The following COG5 variants were observed in gnomAD, a reference collection of about 807,000 sequenced individuals.
The protein encoded by COG5 is component of oligomeric golgi complex 5.
In COG5, 86 loss-of-function variants were observed where a neutral mutation model predicts 110.4. That is an observed-to-expected ratio of 0.78 (90% confidence interval 0.65 to 0.93). The LOEUF (loss-of-function observed/expected upper bound fraction) is 0.93. COG5 is among the 40% of genes least tolerant of loss of function. COG5 has a pLI of 0.00. For synonymous variants in COG5, 360 were observed against 334.6 expected (o/e 1.08, Z -0.83); for missense variants, 1,077 against 987.0 (o/e 1.09, Z -1.22).
intron 5 of COG5, among the ~76,000 whole-genome samples, chr7:107,534,705 C>A (rs929165195): frequency 6.6e-6 from 1 of 151,220 alleles, no homozygotes; most frequent in Non-Finnish European, 1.5e-5. Flanking sequence ...TTTAGACTCC[C>A]AGACAGTAAC....
chr7:107,485,682 C>T (rs1407436208), intron 6 of COG5, among the ~76,000 whole-genome samples: 1 of 152,048 alleles, frequency 6.6e-6, no homozygotes, highest in Non-Finnish European at 1.5e-5. Flanking sequence ...ATTATAAAAG[C>T]ACTTTTAAAG....
intron 8 of COG5, among the ~76,000 whole-genome samples, chr7:107,370,614 C>T (rs760387178): frequency 4.1e-4 from 62 of 151,588 alleles, no homozygotes; most frequent in Non-Finnish European, 7.4e-4. Flanking sequence ...GATGAAACCC[C>T]GTCTCTACTA....
chr7:107,475,105 A>C (rs764919173), intron 6 of COG5: 177 of 1,612,424 alleles, frequency 1.1e-4, no homozygotes, highest in Non-Finnish European at 1.5e-4. Context: ...AGTAAAATTA[A>C]GATTGTGTTT....
intron 8 of COG5, among the ~76,000 whole-genome samples, chr7:107,364,045 C>G (rs1398381610): frequency 6.6e-6 from 1 of 151,928 alleles, no homozygotes; most frequent in East Asian, 1.9e-4. Flanking sequence ...AAGATAAGAG[C>G]ATAGTATTAC....
At chr7:107,522,032 A>T (rs1419818645) in intron 6 of COG5, among the ~76,000 whole-genome samples, 4 of 152,278 alleles carry the variant, frequency 2.6e-5, no homozygotes, top group Middle Eastern at 3.4e-3. Flanking sequence ...AGAAAACCAA[A>T]CACTGCACAT....
rs543391600 is a variant in COG5, at chr7:107,393,208, T to C, written c.669+19294A>G. On this transcript the variant is annotated intron_variant, in intron 7 of 21. Transcript: ENST00000297135. The stretch of plus-strand genomic sequence containing the variant: ...TTCAATTCACTGCTCATCTTGGAAC[T>C]GCCTGCTTTGTCTACCTATTTTTTC... 4.6e-5 allele frequency among the ~76,000 whole-genome samples: 7 copies of C among 152,340 alleles called. No homozygotes were observed. The East Asian group carries it at 1.3e-3, about 29-fold the overall frequency.
Position 107,203,723 on chromosome 7 carries a change from C to T in COG5, c.2376-93G>A, listed in dbSNP as rs1025955056. 12 of 822,722 alleles carry T rather than the reference C, an allele frequency of 1.5e-5. No individual in the cohort carries two copies. In the Middle Eastern group the frequency reaches 6.9e-4, roughly 47 times the overall value. 51.0% of individuals were successfully genotyped at this position (822,722 alleles called of 1,614,324 possible). On this transcript the variant is annotated intron_variant, in intron 21 of 21. Transcript: ENST00000297135. ...AATATATAAAAATTATTAGTAAGCT[C>T]ATTTCTGGAACTGTTAATGCTCGGT...
rs569022088 is a variant in COG5, at chr7:107,398,487, G to A, written c.669+14015C>T. ...GCGAACCCTATTGCTAACTGCACAC[G>A]CGAGGGACATAGGTTGTGTGCTCCT... On this transcript the variant is annotated intron_variant, in intron 7 of 21. Transcript: ENST00000297135. Among the ~76,000 whole-genome samples the A allele has an allele frequency of 2.6e-5, 4 of 152,202 alleles. No homozygotes were observed. The East Asian group carries it at 5.8e-4, about 22-fold the overall frequency.
intron 3 of COG5, among the ~76,000 whole-genome samples, chr7:107,551,925 A>G (rs1385554887): frequency 6.6e-6 from 1 of 152,144 alleles, no homozygotes; most frequent in Non-Finnish European, 1.5e-5. Context: ...CCTACACTTC[A>G]ATCTTTTATG....
At chr7:107,543,803 C>T (rs1008592787) in intron 5 of COG5, among the ~76,000 whole-genome samples, 4 of 152,110 alleles carry the variant, frequency 2.6e-5, no homozygotes, top group Admixed American at 2.6e-4. Flanking sequence ...GCCCCTGTGG[C>T]CCCACACTCC....
At chr7:107,401,023 T>G (rs1182584286) in intron 7 of COG5, among the ~76,000 whole-genome samples, 1 of 152,170 alleles carries the variant, frequency 6.6e-6, no homozygotes, top group Non-Finnish European at 1.5e-5. Context: ...AGCATATTTT[T>G]TCTTTAAAGT....
intron 14 of COG5, among the ~76,000 whole-genome samples, chr7:107,278,336 T>C (rs1333657510): frequency 3.3e-5 from 5 of 152,108 alleles, no homozygotes; most frequent in African/African-American, 7.2e-5. Context: ...ATTTGTTACA[T>C]AGGTATACAC....
At chr7:107,412,346 C>T (rs1036662506) in intron 7 of COG5, among the ~76,000 whole-genome samples, 156 bp downstream of exon 7, 1 of 144,242 alleles carries the variant, frequency 6.9e-6, no homozygotes, top group Non-Finnish European at 1.6e-5. Context: ...TTAAAATTTC[C>T]CTTAACGATG....
chr7:107,401,355 T>C lies in COG5; in HGVS notation c.669+11147A>G, dbSNP rs556846471. ...ACGGTACATATTATGTAACTATTAT[T>C]AATAATGATATACAATGTTATCTCT... On this transcript the variant is annotated intron_variant, in intron 7 of 21. Coordinates refer to ENST00000297135, the MANE Select transcript of COG5 (RefSeq NM_006348.5). Among the ~76,000 whole-genome samples, 8 of 152,290 alleles carry C rather than the reference T, an allele frequency of 5.3e-5. No homozygotes were observed. In the South Asian group the frequency reaches 1.2e-3, roughly 24 times the overall value.
chr7:107,268,225 C>G (rs1042071847), intron 14 of COG5, among the ~76,000 whole-genome samples: 1 of 152,148 alleles, frequency 6.6e-6, no homozygotes, highest in Non-Finnish European at 1.5e-5. Flanking sequence ...GCCTCGGCCT[C>G]CCAAAGTGCA....
intron 10 of COG5, among the ~76,000 whole-genome samples, chr7:107,350,553 T>C (rs1418084519): frequency 1.3e-5 from 2 of 152,146 alleles, no homozygotes; most frequent in East Asian, 1.9e-4. Context: ...CCATTTTGCA[T>C]TGTTTTTATT....
intron 1 of COG5, among the ~76,000 whole-genome samples, chr7:107,562,460 T>C (rs529555124): frequency 6.6e-6 from 1 of 152,288 alleles, no homozygotes; most frequent in South Asian, 2.1e-4. Context: ...GTATTAATGC[T>C]CTACTTTATA....
intron 10 of COG5, among the ~76,000 whole-genome samples, chr7:107,333,858 C>T (rs75206316): frequency 3.2e-4 from 49 of 152,172 alleles, no homozygotes; most frequent in African/African-American, 1.2e-3. Context: ...ACCCAAATGC[C>T]TAATGCCTAA....
At chr7:107,498,931 GATAT>G (rs934611358) in intron 6 of COG5, among the ~76,000 whole-genome samples, 1 of 152,016 alleles carries the variant, frequency 6.6e-6, no homozygotes, top group Non-Finnish European at 1.5e-5. Flanking sequence ...TTTTAAATGT[GATAT>G]ATATACATAG....
Sources: allele counts gnomAD v4.1 joint callset (sites outside exome capture counted in the v4.1 genomes callset), GRCh38; gene constraint gnomAD v4.1.1; transcripts MANE v1.5; gene names NCBI Gene and HGNC (gene_info 2026-07-23, HGNC 2026-07-21).